Variants in UTRN observed in about 807,000 individuals in gnomAD.
UTRN encodes utrophin.
A neutral mutation model predicts 463.9 loss-of-function variants in UTRN; 283 were observed. The observed-to-expected ratio is 0.61, with a 90% CI of 0.55 to 0.67. The LOEUF (loss-of-function observed/expected upper bound fraction) is 0.67, where lower values mean the gene tolerates loss of function less well. Among genes scored for constraint, UTRN ranks in the 30% least tolerant of loss-of-function variants. UTRN has a pLI of 0.00. For synonymous variants in UTRN, 1,442 were observed against 1,431.5 expected (o/e 1.01, Z -0.17); for missense variants, 3,922 against 4,084.3 (o/e 0.96, Z 1.08).
At chr6:144,842,964 T>C (rs1250177848) in intron 73 of UTRN, among the ~76,000 whole-genome samples, 1 of 152,230 alleles carries the variant, frequency 6.6e-6, no homozygotes, top group East Asian at 1.9e-4. Flanking sequence ...ACCACAGTAA[T>C]AGATAAACTG....
At chr6:144,669,836 G>A (rs1780815379) in intron 51 of UTRN, among the ~76,000 whole-genome samples, 2 of 152,038 alleles carry the variant, frequency 1.3e-5, no homozygotes, top group Admixed American at 6.6e-5. Flanking sequence ...AACATACGAT[G>A]TTTGATTTTC....
chr6:144,477,556 A>ACG (rs1002705888), intron 25 of UTRN, among the ~76,000 whole-genome samples: 1 of 151,696 alleles, frequency 6.6e-6, no homozygotes, highest in Non-Finnish European at 1.5e-5. Context: ...ACACACACAC[A>ACG]CACACGCACA....
chr6:144,630,456 A>G (rs1776389524), intron 51 of UTRN, among the ~76,000 whole-genome samples: 1 of 152,214 alleles, frequency 6.6e-6, no homozygotes, highest in Non-Finnish European at 1.5e-5. Context: ...GAGCAAAGTC[A>G]CGTCTTGCAT....
intron 7 of UTRN, 132 bp from the exon 8 acceptor site, chr6:144,428,646 G>T: frequency 3.8e-6 from 2 of 532,012 alleles, no homozygotes; most frequent in East Asian, 6.1e-5. Context: ...CAAGCCTTTG[G>T]GATATAAAAA....
chr6:144,477,572 T>C (rs1791362249), intron 25 of UTRN, among the ~76,000 whole-genome samples: 1 of 149,836 alleles, frequency 6.7e-6, no homozygotes, highest in Non-Finnish European at 1.5e-5. Context: ...GCACACACCC[T>C]TTTTTTTTGG....
chr6:144,412,643 C>T (rs558200968), intron 3 of UTRN, among the ~76,000 whole-genome samples: 1 of 151,768 alleles, frequency 6.6e-6, no homozygotes, highest in Admixed American at 6.6e-5. Flanking sequence ...TCATTTTGAA[C>T]TATCAGGGGC....
At chr6:144,686,787 T>A (rs1299792978) in intron 52 of UTRN, among the ~76,000 whole-genome samples, 1 of 152,178 alleles carries the variant, frequency 6.6e-6, no homozygotes, top group Non-Finnish European at 1.5e-5. Context: ...AGAATCCTTA[T>A]GTGTTAGGTG....
chr6:144,397,167 C>T (rs1195323822), intron 2 of UTRN, among the ~76,000 whole-genome samples: 1 of 152,062 alleles, frequency 6.6e-6, no homozygotes, highest in African/African-American at 2.4e-5. Context: ...CCGCTTCAAC[C>T]TGGGAGGCAG....
intron 51 of UTRN, among the ~76,000 whole-genome samples, chr6:144,590,944 G>A (rs773179079): frequency 2.6e-5 from 4 of 151,264 alleles, no homozygotes; most frequent in Non-Finnish European, 4.4e-5. Flanking sequence ...TGATAAAATG[G>A]TAAAAACAAA....
At chr6:144,482,806 T>C (rs1315797498) in intron 27 of UTRN, among the ~76,000 whole-genome samples, 2 of 152,172 alleles carry the variant, frequency 1.3e-5, no homozygotes, top group Non-Finnish European at 2.9e-5. Flanking sequence ...AATTATTTTC[T>C]TTTGAGTGGT....
chr6:144,796,505 A>G (rs1777227646), intron 63 of UTRN, among the ~76,000 whole-genome samples: 1 of 152,200 alleles, frequency 6.6e-6, no homozygotes, highest in Non-Finnish European at 1.5e-5. Flanking sequence ...TTTAAAATAT[A>G]TATACATTAA....
intron 2 of UTRN, among the ~76,000 whole-genome samples, chr6:144,319,237 C>T (rs1775477075): frequency 6.6e-6 from 1 of 151,842 alleles, no homozygotes; most frequent in Non-Finnish European, 1.5e-5. Context: ...AGTCTGTCTG[C>T]CAATCAGGCT....
At chr6:144,517,067 C>A in intron 39 of UTRN, 119 bp downstream of exon 39, 1 of 885,090 alleles carries the variant, frequency 1.1e-6, no homozygotes, top group Non-Finnish European at 1.5e-6. Context: ...TCATCTCCTC[C>A]TTTCTAGTGT....
At chr6:144,349,159 C>A (rs1448460149) in intron 2 of UTRN, among the ~76,000 whole-genome samples, 1 of 152,182 alleles carries the variant, frequency 6.6e-6, no homozygotes, top group Non-Finnish European at 1.5e-5. Context: ...CAGGCGCCCG[C>A]CATCACGCCC....
At chr6:144,438,646 G>A (rs1786821205) in intron 11 of UTRN, 99 bp from the exon 12 acceptor site, 2 of 1,433,462 alleles carry the variant, frequency 1.4e-6, no homozygotes, top group South Asian at 1.3e-5. Flanking sequence ...TTAGACAAGG[G>A]TGTCTTCCCT....
chr6:144,814,271 C>T (rs1027417727), intron 65 of UTRN, among the ~76,000 whole-genome samples: 19 of 152,128 alleles, frequency 1.2e-4, no homozygotes, highest in African/African-American at 3.6e-4. Context: ...AGTGAGAAGA[C>T]GGCTGTGTAT....
chr6:144,537,771 A>G, intron 44 of UTRN, 54 bp downstream of exon 44: 1 of 1,575,798 alleles, frequency 6.3e-7, no homozygotes, highest in South Asian at 1.2e-5. Flanking sequence ...ATTATACTTC[A>G]GAGTCACATA....
intron 51 of UTRN, among the ~76,000 whole-genome samples, chr6:144,663,055 C>G (rs1780025942): frequency 6.6e-6 from 1 of 152,252 alleles, no homozygotes; most frequent in Non-Finnish European, 1.5e-5. Flanking sequence ...GATTTCTAGT[C>G]TTCTAGAACC....
intron 53 of UTRN, among the ~76,000 whole-genome samples, chr6:144,714,823 T>C (rs1024427487): frequency 6.6e-6 from 1 of 152,188 alleles, no homozygotes; most frequent in Non-Finnish European, 1.5e-5. Flanking sequence ...GAGCTTTGAC[T>C]AGGGGTTCAT....
Sources: gnomAD v4.1 joint callset for allele counts (sites outside exome capture counted in the v4.1 genomes callset) on GRCh38, gnomAD v4.1.1 for gene constraint, MANE v1.5 for transcripts, NCBI Gene and HGNC (gene_info 2026-07-23, HGNC 2026-07-21) for gene names.